The following BBS1 variants were observed in gnomAD, a reference collection of about 807,000 sequenced individuals.
BBS1 encodes the protein Bardet-Biedl syndrome 1.
A neutral mutation model predicts 73.9 loss-of-function variants in BBS1; 60 were observed. The observed-to-expected ratio is 0.81, with a 90% CI of 0.66 to 1.01. The LOEUF (loss-of-function observed/expected upper bound fraction) is 1.01, where lower values mean the gene tolerates loss of function less well. BBS1 is among the 50% of genes least tolerant of loss of function. The pLI is 0.00. For missense variants in BBS1, 718 were observed against 770.3 expected, an observed-to-expected ratio of 0.93 and a Z score of 0.80; for synonymous variants, 283 against 317.4, an observed-to-expected ratio of 0.89 and a Z score of 1.15.
intron 8 of BBS1, chr11:66,520,033 GC>G: frequency 2.7e-6 from 1 of 366,288 alleles, no homozygotes; most frequent in Non-Finnish European, 5.2e-6. Context: ...GGTGGCCCAT[GC>G]CTCTAACCCT....
chr11:66,515,630 C>T (rs201604140), intron 5 of BBS1, 44 bp downstream of exon 5: 3 of 1,614,042 alleles, frequency 1.9e-6, no homozygotes, highest in Non-Finnish European at 2.5e-6. Context: ...ACTCCTTCAT[C>T]CCATCTGAGC....
intron 9 of BBS1, among the ~76,000 whole-genome samples, chr11:66,522,221 A>G (rs1373451361): frequency 2.0e-5 from 3 of 152,122 alleles, no homozygotes; most frequent in African/African-American, 7.2e-5. Flanking sequence ...GTCTCAAAAA[A>G]AAAGAAAAGG....
At chr11:66,525,978 A>G (rs1040106432) in intron 11 of BBS1, 145 bp from the exon 12 acceptor site, 1 of 718,974 alleles carries the variant, frequency 1.4e-6, no homozygotes, top group African/African-American at 1.8e-5. Context: ...GATGAGAAAT[A>G]TAGGAAATAT....
chr11:66,528,197 C>T (rs1044123973), intron 13 of BBS1, among the ~76,000 whole-genome samples: 1 of 152,054 alleles, frequency 6.6e-6, no homozygotes, highest in Non-Finnish European at 1.5e-5. Flanking sequence ...GCCTGGGTGA[C>T]AAGAGCCAGA....
chr11:66,523,848 G>A lies in BBS1; in HGVS notation c.1076G>A (p.Arg359His), dbSNP rs147766972. 5.7e-5 allele frequency: 92 copies of A among 1,613,526 alleles called. 1 individual carries two copies. In the African/African-American group the frequency reaches 6.0e-4, roughly 11 times the overall value. Residue 359 changes from arginine (R) to histidine (H), a missense_variant, in exon 11 of 17, where the codon CGT becomes CAT. Transcript: ENST00000318312. ...GCCAATGGAGAGGTCCGCATTTATC[G>A]TGACAAGGCCCTGCTCAATGTCATC... ...GLANGEVRIY[R>H]DKALLNVIHT...
In BBS1 at chr11:66,510,695, C is replaced by A; in HGVS notation, c.36C>A (p.Cys12Ter). Residue 12 changes from cysteine to a stop codon, truncating the protein, a stop_gained, in exon 1 of 17, where the codon TGC (cysteine) becomes TGA (stop). Transcript: ENST00000318312. LOFTEE classifies it high-confidence loss of function. ...CGTCCTCATCGGATTCCGACGCCTG[C>A]GGAGCTGAGAGGTGAAGGCAGGGCT... ...AAASSSDSDA[C>*]GAESNEANSK... 6.2e-7 allele frequency: 1 copy of A among 1,614,208 alleles called. No homozygotes were observed. Among genetic ancestry groups the A allele is most frequent in the Non-Finnish European group, 8.5e-7 (1 of 1,180,028 alleles).
chr11:66,520,433 TA>T (rs1286977962), intron 8 of BBS1: 2 of 153,492 alleles, frequency 1.3e-5, no homozygotes, highest in African/African-American at 2.4e-5. Flanking sequence ...TGCAGGCATG[TA>T]CCACCACACC....
intron 13 of BBS1, 132 bp from the exon 14 acceptor site, chr11:66,529,687 T>C (rs969556760): frequency 8.6e-7 from 1 of 1,164,038 alleles, no homozygotes; most frequent in Admixed American, 1.8e-5. Flanking sequence ...CCTCCCCAGC[T>C]CCTGCAGACT....
At chr11:66,518,200 A>G (rs1202618233) in intron 7 of BBS1, among the ~76,000 whole-genome samples, 1 of 137,320 alleles carries the variant, frequency 7.3e-6, no homozygotes, top group South Asian at 2.3e-4. Context: ...CACGTGATCC[A>G]CCCACCTCGG....
rs1856362378 is a variant in BBS1 at position 66,523,843 on chromosome 11, T to C, written c.1071T>C (p.Ile357=). The C allele has an allele frequency of 6.2e-7, 1 of 1,613,644 alleles. No homozygotes were observed. Among genetic ancestry groups the C allele is most frequent in the East Asian group, 2.2e-5 (1 of 44,884 alleles). Residue 357 remains isoleucine, a synonymous_variant, in exon 11 of 17, where the codon ATT becomes ATC. Transcript: ENST00000318312. Reference sequence around the variant, plus strand: ...GGCTGGCCAATGGAGAGGTCCGCATTTATCGTGACAAGGCCCTGCTCAATG... The same window carrying C: ...GGCTGGCCAATGGAGAGGTCCGCATCTATCGTGACAAGGCCCTGCTCAATG... ...MAGLANGEVR[I]YRDKALLNVI... is the part of the protein sequence containing the mutation.
At position 66,532,312 on chromosome 11, in the gene BBS1, T is replaced by C. The variant is rs1254543214; in HGVS notation, c.*275T>C. ...CCTCCCCAGCCTTTTCCAGAAACCATACTGGGCTCAGATCAGAGCTCCGAA... is the reference window on the plus strand; with the variant it reads ...CCTCCCCAGCCTTTTCCAGAAACCACACTGGGCTCAGATCAGAGCTCCGAA... On this transcript the variant is annotated 3_prime_UTR_variant, in exon 17 of 17. Transcript: ENST00000318312. 9.8e-6 allele frequency: 5 copies of C among 512,730 alleles called. No homozygotes were observed. Among genetic ancestry groups the C allele is most frequent in the African/African-American group, 1.9e-5 (1 of 52,076 alleles). The allele number at this position is 512,730 out of a possible 1,614,324, so 31.8% of individuals were successfully genotyped here.
At chr11:66,531,111 T>C in intron 15 of BBS1, 83 bp downstream of exon 15, 1 of 1,573,870 alleles carries the variant, frequency 6.4e-7, no homozygotes, top group Non-Finnish European at 8.7e-7. Context: ...CCCCGCCAGG[T>C]CAGGGTCAGA....
intron 14 of BBS1, 64 bp from the exon 15 acceptor site, chr11:66,530,830 A>C (rs1304133476): frequency 6.2e-7 from 1 of 1,608,708 alleles, no homozygotes; most frequent in African/African-American, 1.3e-5. Flanking sequence ...CAGGCAGAGC[A>C]CACTGTACTC....
At chr11:66,517,931 A>G (rs1314777454) in intron 7 of BBS1, among the ~76,000 whole-genome samples, 1 of 146,990 alleles carries the variant, frequency 6.8e-6, no homozygotes, top group Non-Finnish European at 1.5e-5. Context: ...TAAAACTAGG[A>G]TTATACTAAC....
At chr11:66,531,394 A>G (rs1045473476) in intron 15 of BBS1, among the ~76,000 whole-genome samples, 5 of 152,106 alleles carry the variant, frequency 3.3e-5, no homozygotes, top group African/African-American at 1.2e-4. Context: ...AGTTGGGAGG[A>G]CCAGAAAATG....
chr11:66,514,353 A>G (rs932323896), intron 3 of BBS1, 53 bp from the exon 4 acceptor site: 2 of 1,602,946 alleles, frequency 1.2e-6, no homozygotes, highest in Admixed American at 1.7e-5. Context: ...GAAGAGGGTC[A>G]GTGGAGAGGT....
At chr11:66,514,758 G>A in intron 4 of BBS1, 80 bp downstream of exon 4, 1 of 1,547,004 alleles carries the variant, frequency 6.5e-7, no homozygotes, top group Non-Finnish European at 8.8e-7. Context: ...CTCCTGGGAA[G>A]AACGTGGGCT....
intron 13 of BBS1, chr11:66,527,131 CTT>C (rs1856549011): frequency 4.1e-6 from 4 of 986,834 alleles, no homozygotes; most frequent in African/African-American, 1.6e-5. Flanking sequence ...AATCCCAACA[CTT>C]TGGCAGAGGT....
rs535073370 is a variant in BBS1, at chr11:66,533,029, T to C, written c.*992T>C. 2 of 152,322 alleles carry C rather than the reference T, an allele frequency of 1.3e-5. No individual in the cohort carries two copies. The highest frequency in any genetic ancestry group is 4.8e-5 in the African/African-American group (2 of 41,574). 9.4% of individuals were successfully genotyped at this position (152,322 alleles called of 1,614,324 possible). On this transcript the variant is annotated 3_prime_UTR_variant, in exon 17 of 17. Coordinates refer to ENST00000318312, the MANE Select transcript of BBS1 (RefSeq NM_024649.5). ...AAGGCGGGGCCTTTCTTGTCATAGC[T>C]ATTTCTGAGGATGAAATGGGAGACA...
Sources: gnomAD v4.1 joint callset for allele counts (sites outside exome capture counted in the v4.1 genomes callset) on GRCh38, gnomAD v4.1.1 for gene constraint, MANE v1.5 for transcripts, NCBI Gene and HGNC (gene_info 2026-07-23, HGNC 2026-07-21) for gene names.